FBXO42: variants seen among roughly 807,000 people sequenced by gnomAD.
FBXO42 encodes the protein F-box protein 42, also known as F-box only protein 42.
Under a neutral mutation model 71.7 loss-of-function variants are expected in FBXO42, and 12 were observed. The ratio of observed to expected loss-of-function variants is 0.17; its 90% confidence interval spans 0.11 to 0.27. The LOEUF (loss-of-function observed/expected upper bound fraction) is 0.27, where lower values mean the gene tolerates loss of function less well. Ranked by LOEUF, FBXO42 falls within the 10% of genes least tolerant of loss-of-function variation. FBXO42 has a pLI of 1.00. For synonymous variants in FBXO42, 325 were observed against 327.5 expected, an observed-to-expected ratio of 0.99 and a Z score of 0.08; for missense variants, 707 against 911.9, an observed-to-expected ratio of 0.78 and a Z score of 2.89.
intron 4 of FBXO42, among the ~76,000 whole-genome samples, chr1:16,268,059 A>G (rs1243301260): frequency 6.6e-6 from 1 of 151,022 alleles, no homozygotes; most frequent in Non-Finnish European, 1.5e-5. Flanking sequence ...TCAATTTCTG[A>G]GGGAGGAGAG....
chr1:16,291,661 C>T lies in FBXO42; in HGVS notation c.502+3122G>A, dbSNP rs150889963. The stretch of plus-strand genomic sequence containing the variant: ...CCTCTCGAAGTGCCAGGATTGTAAG[C>T]GAGAGCCACCAAGCCCAGGCTATTT... On this transcript the variant is annotated intron_variant, in intron 4 of 9. Transcript: ENST00000375592. Among the ~76,000 whole-genome samples, 13 of 151,902 alleles carry T rather than the reference C, an allele frequency of 8.6e-5. No homozygotes were observed. The East Asian group carries it at 2.3e-3, about 27-fold the overall frequency.
At chr1:16,301,501 A>G (rs1006894606) in intron 3 of FBXO42, among the ~76,000 whole-genome samples, 1 of 151,768 alleles carries the variant, frequency 6.6e-6, no homozygotes, top group South Asian at 2.1e-4. Flanking sequence ...CGTCTCTACT[A>G]AAACTACAAA....
rs1248994881 is a variant in FBXO42 at position 16,257,346 on chromosome 1, C to T, written c.503-587G>A. Among the ~76,000 whole-genome samples, 4 of 152,158 alleles carry T rather than the reference C, an allele frequency of 2.6e-5. No homozygotes were observed. In the East Asian group the frequency reaches 7.7e-4, roughly 29 times the overall value. ...GGACCTCCAGGCCCCTAGCTATGGG[C>T]TTCACATAACCAGATAGCCTCAGCC... On this transcript the variant is annotated intron_variant, in intron 4 of 9. Coordinates refer to ENST00000375592, the MANE Select transcript of FBXO42 (RefSeq NM_018994.3).
In FBXO42 at chr1:16,252,457, C is replaced by G; in HGVS notation, c.922-53G>C. Reference sequence around the variant, plus strand: ...CTCAGGTGTGATATGCGTTCCAAAACACACACACACAGAGTTGCAGTCTCA... The same window carrying G: ...CTCAGGTGTGATATGCGTTCCAAAAGACACACACACAGAGTTGCAGTCTCA... On this transcript the variant is annotated intron_variant, in intron 8 of 9. Transcript: ENST00000375592. This position sits in a 1 kb window ranked among gnomAD's most constrained non-coding sequence, Gnocchi z 4.4. The G allele has an allele frequency of 8.7e-7, 1 of 1,152,212 alleles. No individual in the cohort carries two copies. The highest frequency in any genetic ancestry group is 2.6e-5 in the East Asian group (1 of 38,110). The allele number at this position is 1,152,212 out of a possible 1,614,324, so 71.4% of individuals were successfully genotyped here. A position where few individuals can be genotyped will look rare whatever the true frequency, so the allele number is the denominator to read the frequency against.
chr1:16,335,532 C>T (rs538369286), intron 1 of FBXO42, among the ~76,000 whole-genome samples: 3 of 152,170 alleles, frequency 2.0e-5, no homozygotes, highest in South Asian at 4.2e-4. Context: ...TTCTTTATTT[C>T]GCTGTAGTAT....
chr1:16,327,432 A>AAAACCAAAAAGTAAAACAAAACAAAAAT (rs1422440130), intron 1 of FBXO42, among the ~76,000 whole-genome samples: 1 of 152,232 alleles, frequency 6.6e-6, no homozygotes, highest in Non-Finnish European at 1.5e-5. Context: ...TACTGTCAGA[A>AAAACCAAAAAGTAAAACAAAACAAAAAT]GCCTAGCTGA....
At chr1:16,290,435 T>C (rs1465223764) in intron 4 of FBXO42, among the ~76,000 whole-genome samples, 2 of 152,076 alleles carry the variant, frequency 1.3e-5, no homozygotes, top group East Asian at 3.9e-4. Flanking sequence ...CTCATGCCTG[T>C]AATCTCAGCA....
intron 3 of FBXO42, among the ~76,000 whole-genome samples, chr1:16,296,768 C>T (rs565378814): frequency 6.6e-6 from 1 of 151,802 alleles, no homozygotes; most frequent in African/African-American, 2.4e-5. Context: ...CAGTTTAGCA[C>T]ACCAATATTT....
chr1:16,257,944 G>C (rs1316842499), intron 4 of FBXO42, among the ~76,000 whole-genome samples: 1 of 152,174 alleles, frequency 6.6e-6, no homozygotes, highest in Non-Finnish European at 1.5e-5. Context: ...GCCTCCCAAA[G>C]TGCTGGGATT....
At chr1:16,320,063 C>G (rs1286672715) in intron 1 of FBXO42, among the ~76,000 whole-genome samples, 1 of 151,476 alleles carries the variant, frequency 6.6e-6, no homozygotes, top group Admixed American at 6.6e-5. Flanking sequence ...AAATTCCTAT[C>G]CTAAAACGTA....
At chr1:16,324,398 A>C (rs2100594683) in intron 1 of FBXO42, among the ~76,000 whole-genome samples, 1 of 152,338 alleles carries the variant, frequency 6.6e-6, no homozygotes. Context: ...TAATACCAAC[A>C]CAGAACATTA....
At chr1:16,253,250 A>T in intron 7 of FBXO42, 98 bp from the exon 8 acceptor site, 1 of 1,011,686 alleles carries the variant, frequency 9.9e-7, no homozygotes, top group Non-Finnish European at 1.5e-6. Context: ...CTAGCTCCCA[A>T]ATGGGAATAT....
rs774931296 is a variant in FBXO42, at chr1:16,250,831, A to G, written c.1993T>C (p.Phe665Leu). The change falls in exon 10 of 10, where the codon TTT becomes CTT. Residue 665 changes from phenylalanine to leucine, a missense_variant. By Grantham distance (22) the Phe-to-Leu change is conservative (BLOSUM62 0). Transcript: ENST00000375592. The surrounding 1 kb of genome is among the most constrained non-coding windows in gnomAD (Gnocchi z 4.7). ...GGTCCAACCACAGAACTGCTATTAA[A>G]TACTTTCCATTTGACCCGCCCCTTC... ...KEKGRVKWKV[F>L]NSSSVVGPPE... 3.1e-6 allele frequency: 5 copies of G among 1,614,126 alleles called. No homozygotes were observed. The highest frequency in any genetic ancestry group is 4.2e-6 in the Non-Finnish European group (5 of 1,180,046).
At chr1:16,275,771 C>T (rs944142787) in intron 4 of FBXO42, among the ~76,000 whole-genome samples, 6 of 151,660 alleles carry the variant, frequency 4.0e-5, no homozygotes, top group East Asian at 3.9e-4. Flanking sequence ...CGCTTTAGGA[C>T]GCTGAGGTGG....
At chr1:16,331,800 C>T (rs2082503508) in intron 1 of FBXO42, among the ~76,000 whole-genome samples, 2 of 152,070 alleles carry the variant, frequency 1.3e-5, no homozygotes, top group Non-Finnish European at 2.9e-5. Context: ...CCTGTAATCC[C>T]AGCACTTTGG....
intron 1 of FBXO42, among the ~76,000 whole-genome samples, chr1:16,317,975 A>G (rs1462255840): frequency 1.3e-5 from 2 of 152,132 alleles, no homozygotes; most frequent in African/African-American, 4.8e-5. Context: ...CAATTATATC[A>G]AGTTCAAAAC....
chr1:16,305,777 A>T (rs746490480), intron 3 of FBXO42, 26 bp downstream of exon 3: 1 of 1,570,938 alleles, frequency 6.4e-7, no homozygotes, highest in Non-Finnish European at 8.8e-7. Flanking sequence ...GGCAGGGTGG[A>T]ATCTGCTTTC....
chr1:16,313,485 T>C (rs2082336353), intron 2 of FBXO42, among the ~76,000 whole-genome samples: 1 of 152,164 alleles, frequency 6.6e-6, no homozygotes, highest in Non-Finnish European at 1.5e-5. Flanking sequence ...ATTTGAGAAG[T>C]GAAACCATGT....
At chr1:16,257,897 T>G (rs574047881) in intron 4 of FBXO42, among the ~76,000 whole-genome samples, 1 of 152,162 alleles carries the variant, frequency 6.6e-6, no homozygotes, top group East Asian at 1.9e-4. Flanking sequence ...GCCAGGCTGG[T>G]CTCAAACTCC....
Sources: allele counts gnomAD v4.1 joint callset (sites outside exome capture counted in the v4.1 genomes callset), GRCh38; gene constraint gnomAD v4.1.1; non-coding constraint Gnocchi (gnomAD v3.1); transcripts MANE v1.5; gene names NCBI Gene and HGNC (gene_info 2026-07-23, HGNC 2026-07-21).